TAFA5: variants seen among roughly 807,000 people sequenced by gnomAD.
The protein encoded by TAFA5 is chemokine-like protein TAFA-5.
A neutral mutation model predicts 15.3 loss-of-function variants in TAFA5; 6 were observed. The observed-to-expected ratio is 0.39, with a 90% confidence interval of 0.21 to 0.77. The LOEUF (loss-of-function observed/expected upper bound fraction) is 0.77. Ranked by LOEUF, TAFA5 falls within the 30% of genes least tolerant of loss-of-function variation. TAFA5 has a pLI of 0.41. For missense variants in TAFA5, 161 were observed against 193.1 expected (o/e 0.83, Z 0.98); for synonymous variants, 103 against 80.7 (o/e 1.28, Z -1.48).
intron 1 of TAFA5, among the ~76,000 whole-genome samples, chr22:48,543,061 T>C (rs1019165515): frequency 6.6e-6 from 1 of 151,906 alleles, no homozygotes; most frequent in African/African-American, 2.4e-5. Context: ...GTGTGTGACT[T>C]GCTGAGGGGC....
At chr22:48,503,495 A>G (rs1920965743) in intron 1 of TAFA5, among the ~76,000 whole-genome samples, 1 of 152,256 alleles carries the variant, frequency 6.6e-6, no homozygotes, top group African/African-American at 2.4e-5. Context: ...AGGAAAGAGC[A>G]AAACGCATCA....
chr22:48,611,843 G>A (rs931858730), intron 1 of TAFA5, among the ~76,000 whole-genome samples: 2 of 152,174 alleles, frequency 1.3e-5, no homozygotes, highest in Non-Finnish European at 2.9e-5. Context: ...AGTGCCTGGG[G>A]TGTGAGCCTT....
Position 48,660,059 on chromosome 22 carries a change from A to G in TAFA5, c.262+13313A>G, listed in dbSNP as rs190657758. Among the ~76,000 whole-genome samples the G allele has an allele frequency of 2.8e-3, 433 of 152,110 alleles. 3 individuals carry two copies. Among genetic ancestry groups the G allele is most frequent in the African/African-American group, 0.01 (417 of 41,482 alleles). Reference sequence around the variant, plus strand: ...TGGGCCATGTTTGGGGCCTGTCTGGATGCCGAGTCATCTTCAGGTTCCCAG... The same window carrying G: ...TGGGCCATGTTTGGGGCCTGTCTGGGTGCCGAGTCATCTTCAGGTTCCCAG... On this transcript the variant is annotated intron_variant, in intron 2 of 3. Coordinates refer to ENST00000402357, the MANE Select transcript of TAFA5 (RefSeq NM_001082967.3).
intron 2 of TAFA5, among the ~76,000 whole-genome samples, chr22:48,703,880 G>T (rs1410853085): frequency 6.6e-6 from 1 of 152,246 alleles, no homozygotes; most frequent in Non-Finnish European, 1.5e-5. Context: ...GTGCTGCAGA[G>T]AGTGCCAGAA....
At chr22:48,661,874 C>T (rs1927452719) in intron 2 of TAFA5, among the ~76,000 whole-genome samples, 1 of 151,284 alleles carries the variant, frequency 6.6e-6, no homozygotes, top group Admixed American at 6.6e-5. Context: ...TGACTGGGGG[C>T]TCATTGGGGT....
At chr22:48,559,549 T>C (rs1207495831) in intron 1 of TAFA5, among the ~76,000 whole-genome samples, 1 of 151,680 alleles carries the variant, frequency 6.6e-6, no homozygotes, top group Non-Finnish European at 1.5e-5. Flanking sequence ...GTGGGCCCCT[T>C]CCCCCCTGGT....
At chr22:48,728,040 AG>A (rs1296371037) in intron 3 of TAFA5, among the ~76,000 whole-genome samples, 1 of 152,236 alleles carries the variant, frequency 6.6e-6, no homozygotes, top group Admixed American at 6.5e-5. Context: ...AACAACAAAA[AG>A]CAGCAGTGCA....
rs184955428 is a variant in TAFA5, at chr22:48,602,284, T to G, written c.113-44313T>G. On this transcript the variant is annotated intron_variant, in intron 1 of 3. Transcript: ENST00000402357. ...AGAGGAATGTACAGGCACCCACCTT[T>G]CCGGGGCCACCCCCCCACAAGCACA... Among the ~76,000 whole-genome samples, 656 of 152,302 alleles carry G rather than the reference T, an allele frequency of 4.3e-3. 3 individuals are homozygous for G. Among genetic ancestry groups the G allele is most frequent in the African/African-American group, 0.014 (586 of 41,570 alleles).
chr22:48,602,643 A>C (rs1212875633), intron 1 of TAFA5, among the ~76,000 whole-genome samples: 1 of 152,118 alleles, frequency 6.6e-6, no homozygotes, highest in Non-Finnish European at 1.5e-5. Flanking sequence ...ATCCTGGACC[A>C]TGTGGCCTCT....
intron 1 of TAFA5, among the ~76,000 whole-genome samples, chr22:48,567,738 T>C (rs942488330): frequency 5.3e-5 from 8 of 152,162 alleles, no homozygotes; most frequent in Admixed American, 2.0e-4. Flanking sequence ...CTCTTAGTTC[T>C]GGGTACCCTG....
intron 1 of TAFA5, among the ~76,000 whole-genome samples, chr22:48,593,101 G>C (rs563472941): frequency 1.3e-5 from 2 of 152,228 alleles, no homozygotes; most frequent in South Asian, 4.1e-4. Flanking sequence ...CGCAGCAGAC[G>C]CGGGATGGGA....
chr22:48,580,957 C>G (rs1341846607), intron 1 of TAFA5, among the ~76,000 whole-genome samples: 2 of 152,192 alleles, frequency 1.3e-5, no homozygotes, highest in Non-Finnish European at 2.9e-5. Flanking sequence ...CCCCACATGG[C>G]AGGTGTCCCT....
intron 1 of TAFA5, among the ~76,000 whole-genome samples, chr22:48,522,079 G>A (rs979024255): frequency 1.3e-5 from 2 of 152,242 alleles, no homozygotes; most frequent in African/African-American, 4.8e-5. Flanking sequence ...TGCAAGTAAC[G>A]GAACACGTGA....
intron 1 of TAFA5, chr22:48,546,820 T>G (rs1922690238): frequency 4.6e-5 from 15 of 325,368 alleles, no homozygotes; most frequent in South Asian, 3.4e-4. Flanking sequence ...CTCTGGTCAC[T>G]TCCAGGAGGC....
chr22:48,732,873 G>A (rs77960817), intron 3 of TAFA5, among the ~76,000 whole-genome samples: 1,772 of 152,234 alleles, frequency 0.012, 32 homozygotes, highest in African/African-American at 0.039. Flanking sequence ...TCAGCATCGC[G>A]GCAAGACCCT....
intron 2 of TAFA5, among the ~76,000 whole-genome samples, chr22:48,693,619 C>A (rs1432632965): frequency 6.6e-6 from 1 of 152,168 alleles, no homozygotes; most frequent in Non-Finnish European, 1.5e-5. Flanking sequence ...GCCTTCGTCC[C>A]GTCCTGCCCC....
chr22:48,662,193 C>T (rs1029649570), intron 2 of TAFA5, among the ~76,000 whole-genome samples: 3 of 152,006 alleles, frequency 2.0e-5, no homozygotes, highest in Admixed American at 6.6e-5. Context: ...GTGGGGACAG[C>T]GGGAGGAGCT....
At chr22:48,745,128 G>A (rs987420385) in intron 3 of TAFA5, among the ~76,000 whole-genome samples, 5 of 152,238 alleles carry the variant, frequency 3.3e-5, no homozygotes, top group Non-Finnish European at 7.3e-5. Context: ...CCCTGAACCC[G>A]AGTCTGCTAC....
At position 48,627,856 on chromosome 22, in the gene TAFA5, G is replaced by A. The variant is rs554671488; in HGVS notation, c.113-18741G>A. Among the ~76,000 whole-genome samples, 15 of 152,352 alleles carry A rather than the reference G, an allele frequency of 9.8e-5. No homozygotes were observed. In the South Asian group the frequency reaches 2.1e-3, roughly 21 times the overall value. ...GGCACTGAGGCTGCCCGTGGAGTCC[G>A]TGTTAGGCTGACCTCAGCAACACAT... On this transcript the variant is annotated intron_variant, in intron 1 of 3. Coordinates refer to ENST00000402357, the MANE Select transcript of TAFA5 (RefSeq NM_001082967.3).
Sources: allele counts gnomAD v4.1 joint callset (sites outside exome capture counted in the v4.1 genomes callset), GRCh38; gene constraint gnomAD v4.1.1; transcripts MANE v1.5; gene names NCBI Gene and HGNC (gene_info 2026-07-23, HGNC 2026-07-21).